The following SPANXN2 variants were observed in gnomAD, a reference collection of about 807,000 sequenced individuals.
SPANXN2 encodes sperm protein associated with the nucleus on the X chromosome N2.
A neutral mutation model predicts 2.0 loss-of-function variants in SPANXN2; 1 was observed. The observed-to-expected ratio is 0.50, with a 90% CI of 0.18 to 2.36. SPANXN2 has a LOEUF of 2.36. SPANXN2 is among the 30% of genes most tolerant of loss of function. The pLI, the probability that SPANXN2 is intolerant of heterozygous loss-of-function variation, is 0.26. For missense variants in SPANXN2, 88 were observed against 116.7 expected, an observed-to-expected ratio of 0.75 and a Z score of 1.13; for synonymous variants, 43 against 49.8, an observed-to-expected ratio of 0.86 and a Z score of 0.58.
At chrX:143,720,482 C>T (rs7059256) in intron 1 of SPANXN2, 109 bp downstream of exon 1, 38,512 of 874,719 alleles carry the variant, frequency 0.044, 2,931 homozygotes, top group African/African-American at 0.32. Flanking sequence ...TAAGCGGGTC[C>T]CCCACTTCCA....
chrX:143,718,284 T>C (rs1932304213), intron 1 of SPANXN2, among the ~76,000 whole-genome samples: 1 of 111,346 alleles, frequency 9.0e-6, no homozygotes, highest in African/African-American at 3.3e-5. Context: ...TTTCCCCCCA[T>C]TCTATATGGA....
At chrX:143,716,917 C>T (rs1371572481) in intron 1 of SPANXN2, among the ~76,000 whole-genome samples, 6 of 111,829 alleles carry the variant, frequency 5.4e-5, no homozygotes, top group African/African-American at 1.6e-4. Flanking sequence ...TACCCAGCCA[C>T]CCTTCTCCCT....
At position 143,720,585 on chromosome X, in the gene SPANXN2, T is replaced by C. The variant is rs782023522; in HGVS notation, c.78+6A>G. 4 of 1,208,518 alleles carry C rather than the reference T, an allele frequency of 3.3e-6. No individual in the cohort carries two copies. The South Asian group carries it at 5.3e-5, about 16-fold the overall frequency. ...TCACCTTCCCTTCAAAACCTAACAA[T>C]CTTACCTCATCATTTTTTTTGTTAT... On this transcript the variant is annotated splice_donor_region_variant and intron_variant, in intron 1 of 1. Transcript: ENST00000598475.
intron 1 of SPANXN2, among the ~76,000 whole-genome samples, chrX:143,718,499 C>T (rs1406610898): frequency 3.7e-5 from 4 of 109,581 alleles, no homozygotes; most frequent in Non-Finnish European, 7.5e-5. Context: ...ACTCCCACAG[C>T]GCCAAAGCTA....
intron 1 of SPANXN2, among the ~76,000 whole-genome samples, chrX:143,714,979 A>T (rs1932232958): frequency 9.0e-6 from 1 of 111,615 alleles, no homozygotes; most frequent in Non-Finnish European, 1.9e-5. Context: ...TCTAACAGGG[A>T]CACTGGGCAA....
chrX:143,717,933 C>T (rs1932296264), intron 1 of SPANXN2, among the ~76,000 whole-genome samples: 1 of 111,763 alleles, frequency 8.9e-6, no homozygotes, highest in Non-Finnish European at 1.9e-5. Context: ...AAAAGGCACA[C>T]ACCATCGCTT....
chrX:143,713,370 G>A (rs1281919659), intron 1 of SPANXN2, among the ~76,000 whole-genome samples: 1 of 111,551 alleles, frequency 9.0e-6, no homozygotes, highest in East Asian at 2.8e-4. Context: ...CCGGGCAGCT[G>A]CAACAAGGAT....
intron 1 of SPANXN2, among the ~76,000 whole-genome samples, chrX:143,717,721 G>C (rs1326372084): frequency 8.9e-6 from 1 of 111,761 alleles, no homozygotes; most frequent in Non-Finnish European, 1.9e-5. Context: ...ATATTACTAA[G>C]GCATGTTCCC....
At chrX:143,712,803 C>T (rs1932190670) in intron 1 of SPANXN2, among the ~76,000 whole-genome samples, 2 of 111,733 alleles carry the variant, frequency 1.8e-5, no homozygotes, top group Admixed American at 9.5e-5. Flanking sequence ...ACCACCTGAC[C>T]ACAGGGCGGA....
chrX:143,718,659 C>T lies in SPANXN2; in HGVS notation c.78+1932G>A, dbSNP rs371974855. The stretch of plus-strand genomic sequence containing the variant: ...AATTCCAGAAGTTGCCAATCCAGAA[C>T]ACCTTAGTCCATAACACTCTCTGTC... On this transcript the variant is annotated intron_variant, in intron 1 of 1. Coordinates refer to ENST00000598475, the Ensembl canonical transcript of SPANXN2. Among the ~76,000 whole-genome samples, 6 of 111,901 alleles carry T rather than the reference C, an allele frequency of 5.4e-5. No individual in the cohort carries two copies. The South Asian group carries it at 2.2e-3, about 42-fold the overall frequency.
Position 143,712,613 on chromosome X carries a change from G to T in SPANXN2, c.79-114C>A, listed in dbSNP as rs1398256375. 17 of 665,059 alleles carry T rather than the reference G, an allele frequency of 2.6e-5. No homozygotes were observed. The African/African-American group carries it at 2.6e-4, about 10-fold the overall frequency. The allele number at this position is 665,059 out of a possible 1,213,427, so 54.8% of individuals were successfully genotyped here. On this transcript the variant is annotated intron_variant, in intron 1 of 1. Coordinates refer to ENST00000598475, the Ensembl canonical transcript of SPANXN2. ...AATGCAGGTTGAGGAAGGGGTTTGT[G>T]CCAGAGAAGAACAAGGTGGAATCAT...
intron 1 of SPANXN2, among the ~76,000 whole-genome samples, chrX:143,715,768 C>T (rs781964140): frequency 3.7e-5 from 4 of 109,365 alleles, no homozygotes; most frequent in Non-Finnish European, 5.7e-5. Flanking sequence ...AAAAGACAGA[C>T]GGGACTTACC....
intron 1 of SPANXN2, among the ~76,000 whole-genome samples, chrX:143,713,592 G>A (rs1291462345): frequency 1.8e-5 from 2 of 111,217 alleles, no homozygotes; most frequent in African/African-American, 6.6e-5. Context: ...TCTGGCCTCT[G>A]GGGAGCATGA....
At chrX:143,716,101 T>A (rs1253881683) in intron 1 of SPANXN2, among the ~76,000 whole-genome samples, 2 of 110,809 alleles carry the variant, frequency 1.8e-5, no homozygotes, top group Admixed American at 9.6e-5. Context: ...CTAGCTGAAC[T>A]TCCCCTTGCT....
At position 143,713,892 on chromosome X, in the gene SPANXN2, A is replaced by ACTCTCTCT. The variant is rs58045166; in HGVS notation, c.79-1401_79-1394dup. Among the ~76,000 whole-genome samples the ACTCTCTCT allele has an allele frequency of 3.2e-3, 281 of 87,896 alleles. 3 individuals are homozygous for ACTCTCTCT. Among genetic ancestry groups the ACTCTCTCT allele is most frequent in the Middle Eastern group, 0.012 (2 of 166 alleles). The allele number at this position is 87,896 out of a possible 115,157, so 76.3% of individuals were successfully genotyped here. A position where few individuals can be genotyped will look rare whatever the true frequency, so the allele number is the denominator to read the frequency against. On this transcript the variant is annotated intron_variant, in intron 1 of 1. Transcript: ENST00000598475. ...CTTTGCTTATCTCCTTTCATGCCTC[A>ACTCTCTCT]CTCTCTCTCTCTCTCTCTCTCTCTC...
chrX:143,720,725 C>T lies in SPANXN2; in HGVS notation c.-57G>A, dbSNP rs1932354248. ...GGCTCTTGTAGACTGCAGACTTCCA[C>T]AGCTATATTGAAGCTTGCCAGGAGG... On this transcript the variant is annotated 5_prime_UTR_variant, in exon 1 of 2. The change creates a new upstream start codon in the 5' untranslated region. Coordinates refer to ENST00000598475, the Ensembl canonical transcript of SPANXN2. The T allele has an allele frequency of 8.6e-7, 1 of 1,163,016 alleles. No homozygotes were observed. The highest frequency in any genetic ancestry group is 1.8e-5 in the African/African-American group (1 of 55,817).
intron 1 of SPANXN2, among the ~76,000 whole-genome samples, chrX:143,720,280 C>T (rs782048250): frequency 1.4e-3 from 155 of 110,201 alleles, no homozygotes; most frequent in Non-Finnish European, 2.6e-3. Context: ...ACTAAAGAAA[C>T]TTTCCTATGG....
chrX:143,716,478 A>C lies in SPANXN2; in HGVS notation c.79-3979T>G, dbSNP rs782095035. 2.7e-5 allele frequency among the ~76,000 whole-genome samples: 3 copies of C among 111,064 alleles called. No homozygotes were observed. In the East Asian group the frequency reaches 8.6e-4, roughly 32 times the overall value. On this transcript the variant is annotated intron_variant, in intron 1 of 1. Transcript: ENST00000598475. ...CATGGGCCCATCCTAAAACCCCTGAACCCAGCTTGCCCCATCAACTCCAAC... is the reference window on the plus strand; with the variant it reads ...CATGGGCCCATCCTAAAACCCCTGACCCCAGCTTGCCCCATCAACTCCAAC...
chrX:143,713,930 C>T (rs868950781), intron 1 of SPANXN2, among the ~76,000 whole-genome samples: 4 of 83,540 alleles, frequency 4.8e-5, no homozygotes, highest in African/African-American at 1.0e-4. Context: ...TCTCTCTCTG[C>T]CAATCTTGTT....
Sources: allele counts gnomAD v4.1 joint callset (sites outside exome capture counted in the v4.1 genomes callset), GRCh38; gene constraint gnomAD v4.1.1; transcripts MANE v1.5; gene names NCBI Gene and HGNC (gene_info 2026-07-23, HGNC 2026-07-21).